The following PDCD1LG2 variants were observed in gnomAD, a reference collection of about 807,000 sequenced individuals.
The protein encoded by PDCD1LG2 is programmed cell death 1 ligand 2, also known as B7 dendritic cell molecule.
PDCD1LG2 carries 32 observed loss-of-function variants against 28.2 expected under a neutral mutation model. That is an observed-to-expected ratio of 1.13 (90% CI 0.86 to 1.52). The LOEUF (loss-of-function observed/expected upper bound fraction) is 1.52, where lower values mean the gene tolerates loss of function less well. Among genes scored for constraint, PDCD1LG2 ranks in the 40% most tolerant of loss-of-function variants. The probability of loss-of-function intolerance (pLI) is 0.00; values close to 1 mark genes in which losing one functional copy is unlikely to be tolerated. For synonymous variants in PDCD1LG2, 116 were observed against 120.2 expected, an observed-to-expected ratio of 0.97 and a Z score of 0.23; for missense variants, 385 against 323.8, an observed-to-expected ratio of 1.19 and a Z score of -1.45.
chr9:5,546,333 C>A (rs924494520), intron 3 of PDCD1LG2, among the ~76,000 whole-genome samples: 1 of 152,126 alleles, frequency 6.6e-6, no homozygotes, highest in Non-Finnish European at 1.5e-5. Flanking sequence ...CTACTTCATT[C>A]CCCAAAAGAC....
intron 1 of PDCD1LG2, among the ~76,000 whole-genome samples, chr9:5,514,896 C>T (rs1161973263): frequency 1.3e-5 from 2 of 151,698 alleles, no homozygotes; most frequent in Non-Finnish European, 2.9e-5. Flanking sequence ...TTGGGAAGCT[C>T]AGGGGAGGAT....
Position 5,549,447 on chromosome 9 carries a change from C to T in PDCD1LG2, c.474C>T (p.Val158=), listed in dbSNP as rs2129875660. ...YPLAEVSWPN[V]SVPANTSHSR... is the part of the protein sequence containing the mutation. ...TGGCAGAAGTATCCTGGCCAAACGTCAGCGTTCCTGCCAACACCAGCCACT... is the reference window on the plus strand; with the variant it reads ...TGGCAGAAGTATCCTGGCCAAACGTTAGCGTTCCTGCCAACACCAGCCACT... The change falls in exon 4 of 7, where the codon GTC becomes GTT. Residue 158 remains valine (V), a synonymous_variant. Transcript: ENST00000397747. 6.2e-7 allele frequency: 1 copy of T among 1,614,202 alleles called. No homozygotes were observed.
At chr9:5,551,413 T>G (rs551625186) in intron 4 of PDCD1LG2, among the ~76,000 whole-genome samples, 2 of 152,264 alleles carry the variant, frequency 1.3e-5, no homozygotes, top group East Asian at 1.9e-4. Context: ...TTTAGGAGTT[T>G]AAGAGAGGGT....
chr9:5,528,328 G>T (rs929262795), intron 2 of PDCD1LG2, among the ~76,000 whole-genome samples: 2 of 149,400 alleles, frequency 1.3e-5, no homozygotes, highest in Admixed American at 6.7e-5. Context: ...TTGAGACAGG[G>T]TATCACTCTG....
intron 4 of PDCD1LG2, 24 bp downstream of exon 4, chr9:5,549,628 G>C (rs1460429040): frequency 1.2e-6 from 2 of 1,612,670 alleles, no homozygotes; most frequent in Non-Finnish European, 1.7e-6. Context: ...CCACTTCCTA[G>C]GTCTATCAGT....
Position 5,558,239 on chromosome 9 carries a change from T to C in PDCD1LG2, c.766+487T>C, listed in dbSNP as rs929040019. ...AAAGGAGAAAGGTTTGTGAGGCCATTTGGGGATAAGGAAACAGCTGGTTGG... is the reference window on the plus strand; with the variant it reads ...AAAGGAGAAAGGTTTGTGAGGCCATCTGGGGATAAGGAAACAGCTGGTTGG... On this transcript the variant is annotated intron_variant, in intron 5 of 6. Transcript: ENST00000397747. Among the ~76,000 whole-genome samples the C allele has an allele frequency of 3.3e-5, 5 of 152,186 alleles. No individual in the cohort carries two copies. The East Asian group carries it at 5.8e-4, about 18-fold the overall frequency.
intron 3 of PDCD1LG2, among the ~76,000 whole-genome samples, chr9:5,536,230 A>G (rs1408954742): frequency 1.3e-5 from 2 of 152,228 alleles, no homozygotes; most frequent in African/African-American, 4.8e-5. Flanking sequence ...GAAGACGAAC[A>G]ATAGTAGTAC....
chr9:5,570,551 CA>C lies in PDCD1LG2; in HGVS notation c.*595del, dbSNP rs1414027358. The C allele has an allele frequency of 4.3e-6, 1 of 232,556 alleles. No individual in the cohort carries two copies. Among genetic ancestry groups the C allele is most frequent in the Non-Finnish European group, 8.5e-6 (1 of 117,752 alleles). 14.4% of individuals were successfully genotyped at this position (232,556 alleles called of 1,614,324 possible). On this transcript the variant is annotated 3_prime_UTR_variant, in exon 7 of 7. Transcript: ENST00000397747. ...AGCATTTAAATATACACTAAGTGCA[CA>C]AATTGTGGAGTAAAGTCATCAAGCT...
intron 1 of PDCD1LG2, among the ~76,000 whole-genome samples, chr9:5,515,631 T>C (rs1586789241): frequency 6.6e-6 from 1 of 151,244 alleles, no homozygotes; most frequent in Non-Finnish European, 1.5e-5. Flanking sequence ...CCCAGAGAGG[T>C]GAGGAGACAC....
At chr9:5,530,248 A>G (rs10975161) in intron 2 of PDCD1LG2, among the ~76,000 whole-genome samples, 12,341 of 152,228 alleles carry the variant, frequency 0.081, 1,629 homozygotes, top group African/African-American at 0.28. Flanking sequence ...GGACCTGCAT[A>G]CATGAATTTT....
intron 6 of PDCD1LG2, among the ~76,000 whole-genome samples, chr9:5,568,837 T>C (rs867937971): frequency 2.0e-5 from 3 of 152,334 alleles, no homozygotes; most frequent in Non-Finnish European, 2.9e-5. Context: ...TTTTTTATGG[T>C]TCTCTATGGC....
At chr9:5,511,670 G>A (rs1407216104) in intron 1 of PDCD1LG2, among the ~76,000 whole-genome samples, 2 of 152,210 alleles carry the variant, frequency 1.3e-5, no homozygotes, top group African/African-American at 4.8e-5. Flanking sequence ...TGTCCTCCAA[G>A]CTCCTTTCCA....
chr9:5,565,217 C>T (rs372479063), intron 6 of PDCD1LG2, among the ~76,000 whole-genome samples: 10 of 152,316 alleles, frequency 6.6e-5, no homozygotes, highest in East Asian at 5.8e-4. Context: ...GAGTCTTGCT[C>T]TATCACCCAG....
In PDCD1LG2 at chr9:5,549,582, T is replaced by C. The variant is rs2129878525; in HGVS notation, c.609T>C (p.Thr203=). Residue 203 remains threonine (T), a synonymous_variant, in exon 4 of 7, where the codon ACT becomes ACC. Transcript: ENST00000397747. ...VFWNTHVREL[T]LASIDLQSQM... The stretch of plus-strand genomic sequence containing the variant: ...GGAATACTCACGTGAGGGAACTTAC[T>C]TTGGCCAGCATTGACCTTCAAAGTA... The C allele has an allele frequency of 6.2e-7, 1 of 1,614,208 alleles. No homozygotes were observed. The highest frequency in any genetic ancestry group is 8.5e-7 in the Non-Finnish European group (1 of 1,180,034).
intron 2 of PDCD1LG2, among the ~76,000 whole-genome samples, chr9:5,526,679 C>T (rs1820386572): frequency 6.6e-6 from 1 of 152,168 alleles, no homozygotes; most frequent in Non-Finnish European, 1.5e-5. Flanking sequence ...CTCAAGCAAT[C>T]CTCCTGCCCC....
chr9:5,518,155 T>C (rs571138971), intron 1 of PDCD1LG2, among the ~76,000 whole-genome samples: 74 of 152,350 alleles, frequency 4.9e-4, no homozygotes, highest in South Asian at 8.3e-4. Context: ...TTTCAAAATT[T>C]GTCCAAGGTG....
chr9:5,544,288 C>T (rs1820749698), intron 3 of PDCD1LG2, among the ~76,000 whole-genome samples: 2 of 152,180 alleles, frequency 1.3e-5, no homozygotes, highest in Admixed American at 1.3e-4. Flanking sequence ...GCTCCTACCA[C>T]TAGGCTATAG....
chr9:5,551,965 AT>A (rs1339505850), intron 4 of PDCD1LG2, among the ~76,000 whole-genome samples: 6 of 152,142 alleles, frequency 3.9e-5, no homozygotes, highest in African/African-American at 1.4e-4. Context: ...CACAGTTGAT[AT>A]TTGTTGTCTC....
intron 1 of PDCD1LG2, among the ~76,000 whole-genome samples, chr9:5,520,468 G>C (rs1049590091): frequency 6.6e-6 from 1 of 152,118 alleles, no homozygotes; most frequent in African/African-American, 2.4e-5. Flanking sequence ...TATGGTATGA[G>C]GTAAGGCTCC....
Sources: allele counts gnomAD v4.1 joint callset (sites outside exome capture counted in the v4.1 genomes callset), GRCh38; gene constraint gnomAD v4.1.1; transcripts MANE v1.5; gene names NCBI Gene and HGNC (gene_info 2026-07-23, HGNC 2026-07-21).